Variants in ATP7B observed in about 807,000 individuals in gnomAD.
ATP7B encodes ATPase copper transporting beta.
In ATP7B, 113 loss-of-function variants were observed where a neutral mutation model predicts 118.9. The ratio of observed to expected loss-of-function variants is 0.95; its 90% CI spans 0.82 to 1.11. ATP7B has a LOEUF of 1.11. Among genes scored for constraint, ATP7B ranks in the 50% most tolerant of loss-of-function variants. ATP7B has a pLI of 0.00. For missense variants in ATP7B, 1,867 were observed against 1,871.4 expected (o/e 1.00, Z 0.04); for synonymous variants, 777 against 727.4 (o/e 1.07, Z -1.10).
At chr13:52,010,614 A>G (rs1198130583) in intron 1 of ATP7B, among the ~76,000 whole-genome samples, 2 of 152,244 alleles carry the variant, frequency 1.3e-5, no homozygotes, top group Non-Finnish European at 2.9e-5. Context: ...CATTTAGGTA[A>G]AACAAAAATT....
chr13:51,940,223 G>C (rs1957248973), intron 16 of ATP7B, among the ~76,000 whole-genome samples: 1 of 149,270 alleles, frequency 6.7e-6, no homozygotes, highest in Non-Finnish European at 1.5e-5. Flanking sequence ...ATGTTGGTCA[G>C]ACTGGTCTCG....
Position 51,974,905 on chromosome 13 carries a change from C to A in ATP7B, c.315G>T (p.Ser105=). ...GGCAAACCTGTTGCAGGCACACAAC[C>A]GATGGCACATATTTCACAGTGGCAC... is the stretch of plus-strand genomic sequence containing the variant. ...QGSATVKYVP[S]VVCLQQVCHQ... is the part of the protein sequence containing the mutation. The change falls in exon 2 of 21, where the codon TCG becomes TCT. Residue 105 remains serine (S), a synonymous_variant. Coordinates refer to ENST00000242839, the MANE Select transcript of ATP7B (RefSeq NM_000053.4). 1 of 1,614,216 alleles carries A rather than the reference C, an allele frequency of 6.2e-7. No homozygotes were observed. Among genetic ancestry groups the A allele is most frequent in the Non-Finnish European group, 8.5e-7 (1 of 1,180,036 alleles).
intron 1 of ATP7B, among the ~76,000 whole-genome samples, chr13:51,981,883 T>C (rs1167897045): frequency 1.3e-5 from 2 of 152,154 alleles, no homozygotes; most frequent in Non-Finnish European, 2.9e-5. Flanking sequence ...TTCCCGTTTG[T>C]CTAAGGCAAG....
At chr13:51,983,354 T>G (rs529471683) in intron 1 of ATP7B, among the ~76,000 whole-genome samples, 1 of 152,306 alleles carries the variant, frequency 6.6e-6, no homozygotes, top group African/African-American at 2.4e-5. Context: ...GTAGCTAGAC[T>G]GCCTCTCTAG....
chr13:51,938,619 T>C (rs1280990524), intron 17 of ATP7B, among the ~76,000 whole-genome samples: 1 of 152,222 alleles, frequency 6.6e-6, no homozygotes, highest in Non-Finnish European at 1.5e-5. Flanking sequence ...CCAGTGGTGC[T>C]GTCCTCACAG....
At chr13:51,999,114 CAG>C (rs1347230599) in intron 1 of ATP7B, among the ~76,000 whole-genome samples, 1 of 152,172 alleles carries the variant, frequency 6.6e-6, no homozygotes, top group Non-Finnish European at 1.5e-5. Context: ...TTAACCAAAG[CAG>C]ATTATTCACA....
At chr13:52,008,603 A>G (rs1294872437) in intron 1 of ATP7B, among the ~76,000 whole-genome samples, 1 of 152,222 alleles carries the variant, frequency 6.6e-6, no homozygotes. Context: ...TGCTCTTATC[A>G]CCATCTCTCA....
chr13:52,011,932 T>C (rs997021866), upstream of ATP7B: 4 of 291,422 alleles, frequency 1.4e-5, no homozygotes, highest in Non-Finnish European at 2.0e-5. Context: ...GGGTCCGCTC[T>C]GCGCTGCCCC....
chr13:52,004,673 T>C (rs971381555), intron 1 of ATP7B, among the ~76,000 whole-genome samples: 1 of 152,188 alleles, frequency 6.6e-6, no homozygotes, highest in African/African-American at 2.4e-5. Context: ...AATCAATTAT[T>C]CTCTTTGTTT....
chr13:51,960,588 T>G (rs1170442233), intron 6 of ATP7B, among the ~76,000 whole-genome samples: 1 of 152,148 alleles, frequency 6.6e-6, no homozygotes, highest in Non-Finnish European at 1.5e-5. Context: ...TTACCTCCAA[T>G]TTACGGGTGA....
At chr13:51,966,902 C>G (rs1951578489) in intron 4 of ATP7B, 1 of 1,612,948 alleles carries the variant, frequency 6.2e-7, no homozygotes, top group African/African-American at 1.3e-5. Context: ...AACCTCACCA[C>G]AAAAACCGAG....
chr13:51,998,245 A>G (rs1026869873), intron 1 of ATP7B, among the ~76,000 whole-genome samples: 2 of 152,192 alleles, frequency 1.3e-5, no homozygotes, highest in Non-Finnish European at 2.9e-5. Flanking sequence ...CCGAGGCTGC[A>G]GTCAGCTCAG....
intron 9 of ATP7B, among the ~76,000 whole-genome samples, chr13:51,951,944 T>C (rs1350279240): frequency 6.6e-6 from 1 of 152,234 alleles, no homozygotes; most frequent in African/African-American, 2.4e-5. Context: ...AATTACTTGA[T>C]GGCACTGGCC....
rs770175421 is a variant in ATP7B at position 51,934,763 on chromosome 13, T to G, written c.4391A>C (p.Tyr1464Ser). ...CCCGCCTGCCTGAAGTCATCAGATG[T>G]ACTGCTCCTCATCCCTGCCATTCAG... ...LLLNGRDEEQYI is the reference protein window; with the variant it reads ...LLLNGRDEEQSI Residue 1464 changes from tyrosine to serine, a missense_variant, in exon 21 of 21, where the codon TAC becomes TCC. Tyr to Ser is a moderately radical substitution (Grantham distance 144, BLOSUM62 -2). Coordinates refer to ENST00000242839, the MANE Select transcript of ATP7B (RefSeq NM_000053.4). The G allele has an allele frequency of 1.9e-6, 3 of 1,613,624 alleles. No homozygotes were observed. Among genetic ancestry groups the G allele is most frequent in the Non-Finnish European group, 2.5e-6 (3 of 1,180,046 alleles).
chr13:51,943,980 GA>G, intron 14 of ATP7B, 128 bp downstream of exon 14: 2 of 1,175,616 alleles, frequency 1.7e-6, no homozygotes, highest in African/African-American at 1.5e-5. Context: ...GCCTGCTGCA[GA>G]AGGGCCCTCT....
intron 3 of ATP7B, among the ~76,000 whole-genome samples, chr13:51,970,057 T>C (rs1011360028): frequency 2.0e-5 from 3 of 152,244 alleles, no homozygotes; most frequent in African/African-American, 7.2e-5. Flanking sequence ...CACATATTTC[T>C]GTCCTGTTGT....
At chr13:51,973,123 C>CGT (rs1951921595) in intron 2 of ATP7B, among the ~76,000 whole-genome samples, 1 of 152,042 alleles carries the variant, frequency 6.6e-6, no homozygotes, top group South Asian at 2.1e-4. Context: ...AAATCCTTTC[C>CGT]TTAACTCTCA....
At position 51,950,427 on chromosome 13, in the gene ATP7B, A is replaced by G. The variant is rs937286078; in HGVS notation, c.2448-28T>C. ...GCAACAAACGCCACTTATCACTCAC[A>G]TGGCCACTCATTCGGTCACCGGGTC... is the stretch of plus-strand genomic sequence containing the variant. On this transcript the variant is annotated intron_variant, in intron 9 of 20. Transcript: ENST00000242839. The G allele has an allele frequency of 3.7e-6, 6 of 1,612,758 alleles. No homozygotes were observed. In the Admixed American group the frequency reaches 8.3e-5, roughly 22 times the overall value.
intron 1 of ATP7B, among the ~76,000 whole-genome samples, chr13:51,997,523 GC>G (rs1393691874): frequency 6.6e-6 from 1 of 152,156 alleles, no homozygotes; most frequent in Non-Finnish European, 1.5e-5. Context: ...CTAGATGGTG[GC>G]TCAGACCCAG....
Sources: allele counts gnomAD v4.1 joint callset (sites outside exome capture counted in the v4.1 genomes callset), GRCh38; gene constraint gnomAD v4.1.1; transcripts MANE v1.5; gene names NCBI Gene and HGNC (gene_info 2026-07-23, HGNC 2026-07-21).